CCDC15: variants seen among roughly 807,000 people sequenced by gnomAD.
The protein encoded by CCDC15 is coiled-coil domain-containing protein 15.
A neutral mutation model predicts 114.5 loss-of-function variants in CCDC15; 105 were observed. That is an observed-to-expected ratio of 0.92 (90% CI 0.78 to 1.08). CCDC15 has a LOEUF of 1.08. Among genes scored for constraint, CCDC15 ranks in the 50% least tolerant of loss-of-function variants. CCDC15 has a pLI of 0.00. For missense variants in CCDC15, 1,105 were observed against 1,093.6 expected, an observed-to-expected ratio of 1.01 and a Z score of -0.15; for synonymous variants, 334 against 377.8, an observed-to-expected ratio of 0.88 and a Z score of 1.34.
Position 124,987,832 on chromosome 11 carries a change from G to T in CCDC15, c.1606G>T (p.Asp536Tyr). 1.2e-6 allele frequency: 2 copies of T among 1,605,488 alleles called. No individual in the cohort carries two copies. Among genetic ancestry groups the T allele is most frequent in the Non-Finnish European group, 1.7e-6 (2 of 1,173,672 alleles). The change falls in exon 8 of 16, where the codon GAC becomes TAC. Residue 536 changes from aspartate (D) to tyrosine (Y), a missense_variant. Physicochemically the swap from Asp to Tyr is radical, Grantham distance 160. Transcript: ENST00000344762. ...TCAAGGCCAGGATTTTCTACCTAAA[G>T]ACCAGGACTTTTTATCTAGAGACCA... ...KYQGQDFLPK[D>Y]QDFLSRDQHV...
chr11:125,031,678 A>G (rs973723585), intron 13 of CCDC15, among the ~76,000 whole-genome samples: 1 of 152,190 alleles, frequency 6.6e-6, no homozygotes, highest in Non-Finnish European at 1.5e-5. Flanking sequence ...TGATTCACCT[A>G]TGAGGGCCTG....
At chr11:125,001,208 G>A (rs141514913) in intron 11 of CCDC15, among the ~76,000 whole-genome samples, 196 of 152,332 alleles carry the variant, frequency 1.3e-3, no homozygotes, top group African/African-American at 4.4e-3. Flanking sequence ...TACAGTATGA[G>A]AGCTGAAACA....
intron 13 of CCDC15, among the ~76,000 whole-genome samples, chr11:125,023,100 G>C (rs187906111): frequency 1.1e-3 from 172 of 151,870 alleles, no homozygotes; most frequent in African/African-American, 3.8e-3. Context: ...CCTAACCCAA[G>C]GTCACAAAGA....
Position 125,005,100 on chromosome 11 carries a change from T to C in CCDC15, c.2308-9T>C. 1 of 1,320,904 alleles carries C rather than the reference T, an allele frequency of 7.6e-7. No homozygotes were observed. The highest frequency in any genetic ancestry group is 1.0e-6 in the Non-Finnish European group (1 of 958,956). The allele number at this position is 1,320,904 out of a possible 1,614,324, so 81.8% of individuals were successfully genotyped here. A position where few individuals can be genotyped will look rare whatever the true frequency, so the allele number is the denominator to read the frequency against. On this transcript the variant is annotated splice_polypyrimidine_tract_variant and intron_variant, in intron 12 of 15. Coordinates refer to ENST00000344762, the MANE Select transcript of CCDC15 (RefSeq NM_025004.3). ...CAGAATCTTAGTAATTTTAACTTCT[T>C]ACCTTTAGCGTCAAAAGCAGTACCT...
chr11:125,007,706 A>G (rs11824217), intron 13 of CCDC15, among the ~76,000 whole-genome samples: 9,599 of 152,144 alleles, frequency 0.063, 370 homozygotes, highest in African/African-American at 0.11. Context: ...CCAACAGTGT[A>G]TAAGAGTTCC....
Position 124,986,700 on chromosome 11 carries a change from T to TGTGTGTGTGTGCGC in CCDC15, c.754-41_754-40insTGTGTGTGTGCGCG, listed in dbSNP as rs878887902. 2,003 of 1,352,008 alleles carry TGTGTGTGTGTGCGC rather than the reference T, an allele frequency of 1.5e-3. 18 individuals carry two copies. Among genetic ancestry groups the TGTGTGTGTGTGCGC allele is most frequent in the Admixed American group, 5.8e-3 (241 of 41,638 alleles). The allele number at this position is 1,352,008 out of a possible 1,614,324, so 83.8% of individuals were successfully genotyped here. A position where few individuals can be genotyped will look rare whatever the true frequency, so the allele number is the denominator to read the frequency against. On this transcript the variant is annotated intron_variant, in intron 6 of 15. Transcript: ENST00000344762. ...GTGTGTGTGTGTGTGTTTGTGTGTG[T>TGTGTGTGTGTGCGC]GCGCGCGCGCGCGTGCGCGTTTTCA...
intron 4 of CCDC15, among the ~76,000 whole-genome samples, chr11:124,965,172 G>T (rs1007596045): frequency 6.6e-6 from 1 of 152,144 alleles, no homozygotes; most frequent in Non-Finnish European, 1.5e-5. Flanking sequence ...AGTTAGGGAG[G>T]ATTCCCTCTT....
At chr11:124,981,531 G>A (rs1033947367) in intron 6 of CCDC15, among the ~76,000 whole-genome samples, 2 of 151,846 alleles carry the variant, frequency 1.3e-5, no homozygotes, top group African/African-American at 2.4e-5. Flanking sequence ...TTTTAGCAGA[G>A]ACAGGGTTTT....
At chr11:124,974,211 C>G (rs147019474) in intron 4 of CCDC15, among the ~76,000 whole-genome samples, 6,344 of 152,142 alleles carry the variant, frequency 0.042, 157 homozygotes, top group Middle Eastern at 0.082. Flanking sequence ...GAACTCCTGA[C>G]CTCAGGTGAT....
At chr11:124,977,664 A>G in intron 6 of CCDC15, 64 bp downstream of exon 6, 1 of 1,505,896 alleles carries the variant, frequency 6.6e-7, no homozygotes, top group Non-Finnish European at 9.0e-7. Flanking sequence ...ACAGCTAACT[A>G]AGGATGGGAT....
chr11:125,019,837 A>G (rs1304104199), intron 13 of CCDC15, among the ~76,000 whole-genome samples: 1 of 151,868 alleles, frequency 6.6e-6, no homozygotes, highest in African/African-American at 2.4e-5. Flanking sequence ...CTTATTAGTG[A>G]TTGCTCTCTT....
At chr11:125,019,548 T>C (rs1444673256) in intron 13 of CCDC15, among the ~76,000 whole-genome samples, 3 of 151,854 alleles carry the variant, frequency 2.0e-5, no homozygotes, top group Non-Finnish European at 4.4e-5. Flanking sequence ...GTCTTTGAAG[T>C]TTATAACATG....
chr11:124,954,850 G>A lies in CCDC15; in HGVS notation c.118G>A (p.Val40Ile). 6.2e-7 allele frequency: 1 copy of A among 1,614,046 alleles called. No individual in the cohort carries two copies. The highest frequency in any genetic ancestry group is 1.7e-5 in the Admixed American group (1 of 60,034). Reference sequence around the variant, plus strand: ...GCTGGCTGAGAGGAACGAGGCTATAGTACCAGTTGGGGCATGGGTGGAACC... The same window carrying A: ...GCTGGCTGAGAGGAACGAGGCTATAATACCAGTTGGGGCATGGGTGGAACC... ...AVLAERNEAIVPVGAWVEPAS... is the reference protein window; with the variant it reads ...AVLAERNEAIIPVGAWVEPAS... The change falls in exon 2 of 16, where the codon GTA (valine) becomes ATA (isoleucine). Residue 40 changes from valine to isoleucine, a missense_variant. Coordinates refer to ENST00000344762, the MANE Select transcript of CCDC15 (RefSeq NM_025004.3).
At chr11:124,957,556 G>A (rs577237233) in intron 2 of CCDC15, among the ~76,000 whole-genome samples, 2 of 152,252 alleles carry the variant, frequency 1.3e-5, no homozygotes, top group South Asian at 4.2e-4. Context: ...GTAATCTTGT[G>A]GAGTAAAAGA....
chr11:124,960,011 C>G lies in CCDC15; in HGVS notation c.516+8C>G. 2.0e-6 allele frequency: 3 copies of G among 1,538,278 alleles called. No homozygotes were observed. Among genetic ancestry groups the G allele is most frequent in the Non-Finnish European group, 2.6e-6 (3 of 1,140,836 alleles). On this transcript the variant is annotated splice_region_variant and intron_variant, in intron 4 of 15. Transcript: ENST00000344762. ...CAACAACAAGCCCAGGCTGTAAGTA[C>G]CTGTTCTTTTTATTTTATGTCTATG... is the stretch of plus-strand genomic sequence containing the variant.
At chr11:124,974,194 C>T (rs775401329) in intron 4 of CCDC15, among the ~76,000 whole-genome samples, 98 of 152,132 alleles carry the variant, frequency 6.4e-4, no homozygotes, top group Non-Finnish European at 1.1e-3. Flanking sequence ...AGGCTAGTCT[C>T]GGTCTCGAAC....
At chr11:125,005,876 C>T (rs973588147) in intron 13 of CCDC15, among the ~76,000 whole-genome samples, 1 of 152,010 alleles carries the variant, frequency 6.6e-6, no homozygotes, top group Non-Finnish European at 1.5e-5. Context: ...TCCTCTAATG[C>T]TTTTTTATGG....
rs762665740 is a variant in CCDC15 at position 124,954,783 on chromosome 11, C to T, written c.51C>T (p.Pro17=). 1 of 1,613,922 alleles carries T rather than the reference C, an allele frequency of 6.2e-7. No homozygotes were observed. Among genetic ancestry groups the T allele is most frequent in the Non-Finnish European group, 8.5e-7 (1 of 1,179,874 alleles). ...RKKPRNTSRL[P]LALNPLKSKD... The stretch of plus-strand genomic sequence containing the variant: ...AACCTCGAAATACCTCAAGGTTGCC[C>T]CTGGCTTTAAACCCCCTGAAGAGCA... The change falls in exon 2 of 16, where the codon CCC becomes CCT. Residue 17 remains proline (P), a synonymous_variant. Transcript: ENST00000344762.
chr11:125,008,390 G>A (rs1170578769), intron 13 of CCDC15, among the ~76,000 whole-genome samples: 1 of 152,166 alleles, frequency 6.6e-6, no homozygotes, highest in African/African-American at 2.4e-5. Flanking sequence ...CTTCAACCCT[G>A]CTGTAATCAC....
Sources: gnomAD v4.1 joint callset for allele counts (sites outside exome capture counted in the v4.1 genomes callset) on GRCh38, gnomAD v4.1.1 for gene constraint, MANE v1.5 for transcripts, NCBI Gene and HGNC (gene_info 2026-07-23, HGNC 2026-07-21) for gene names.